Variants in ROBO1 observed in about 807,000 individuals in gnomAD.
The protein encoded by ROBO1 is roundabout homolog 1.
Under a neutral mutation model 195.9 loss-of-function variants are expected in ROBO1, and 149 were observed. That is an observed-to-expected ratio of 0.76 (90% CI 0.67 to 0.87). The LOEUF (loss-of-function observed/expected upper bound fraction) is 0.87. Among genes scored for constraint, ROBO1 ranks in the 40% least tolerant of loss-of-function variants. ROBO1 has a pLI of 0.00. For synonymous variants in ROBO1, 816 were observed against 733.2 expected (o/e 1.11, Z -1.82); for missense variants, 1,933 against 2,068.3 (o/e 0.93, Z 1.27).
intron 3 of ROBO1, among the ~76,000 whole-genome samples, chr3:79,010,022 G>A (rs191855837): frequency 1.2e-4 from 19 of 152,242 alleles, no homozygotes; most frequent in Non-Finnish European, 5.9e-5. Flanking sequence ...CTGTGTTGTA[G>A]AGTGTGTAAA....
At chr3:78,902,253 G>C (rs2037635322) in intron 4 of ROBO1, among the ~76,000 whole-genome samples, 1 of 152,200 alleles carries the variant, frequency 6.6e-6, no homozygotes, top group African/African-American at 2.4e-5. Context: ...GTAAAGCAGA[G>C]GTGTTTTTAG....
intron 2 of ROBO1, among the ~76,000 whole-genome samples, chr3:79,311,949 C>T (rs898495095): frequency 6.6e-6 from 1 of 152,194 alleles, no homozygotes; most frequent in East Asian, 1.9e-4. Flanking sequence ...GACCTTTTAC[C>T]TTCACTCCAG....
chr3:78,921,554 C>T (rs914522228), intron 4 of ROBO1, among the ~76,000 whole-genome samples: 4 of 152,126 alleles, frequency 2.6e-5, no homozygotes, highest in Non-Finnish European at 4.4e-5. Context: ...TGAAATAATA[C>T]GATTTTGTTC....
At position 79,283,730 on chromosome 3, in the gene ROBO1, C is replaced by A. The variant is rs368223442; in HGVS notation, c.89-158191G>T. Among the ~76,000 whole-genome samples the A allele has an allele frequency of 9.1e-4, 137 of 149,836 alleles. 1 individual carries two copies. In the East Asian group the frequency reaches 0.014, roughly 15 times the overall value. ...TTTTTTTTTTTGAGACGGAGTCTCG[C>A]TCTGTCGCCCAGGCTGGAGTGCAGT... On this transcript the variant is annotated intron_variant, in intron 2 of 30. Coordinates refer to ENST00000464233, the MANE Select transcript of ROBO1 (RefSeq NM_002941.4).
At chr3:78,814,549 G>C (rs2084841701) in intron 4 of ROBO1, among the ~76,000 whole-genome samples, 2 of 151,754 alleles carry the variant, frequency 1.3e-5, no homozygotes, top group South Asian at 4.2e-4. Context: ...ACCTCATCTT[G>C]TGTTAAAAAA....
chr3:79,153,004 A>G (rs1376546678), intron 2 of ROBO1, among the ~76,000 whole-genome samples: 1 of 151,776 alleles, frequency 6.6e-6, no homozygotes, highest in Non-Finnish European at 1.5e-5. Flanking sequence ...AGGTCAAATG[A>G]TGTAGAACCT....
At chr3:78,655,104 T>C (rs1438960243) in intron 18 of ROBO1, among the ~76,000 whole-genome samples, 1 of 152,220 alleles carries the variant, frequency 6.6e-6, no homozygotes, top group Non-Finnish European at 1.5e-5. Context: ...TTTATTTCTA[T>C]ATATAATCAT....
At chr3:78,694,677 T>C (rs768137013) in intron 8 of ROBO1, among the ~76,000 whole-genome samples, 5 of 152,160 alleles carry the variant, frequency 3.3e-5, no homozygotes, top group African/African-American at 4.8e-5. Flanking sequence ...ACGGAATGGA[T>C]AGAACGTGGT....
At chr3:79,352,475 C>T (rs538856317) in intron 2 of ROBO1, among the ~76,000 whole-genome samples, 21 of 152,242 alleles carry the variant, frequency 1.4e-4, no homozygotes, top group African/African-American at 4.8e-4. Flanking sequence ...AACTAGACTA[C>T]GGACGTTAAT....
At chr3:78,732,247 T>C (rs1000867861) in intron 5 of ROBO1, among the ~76,000 whole-genome samples, 2 of 152,070 alleles carry the variant, frequency 1.3e-5, no homozygotes, top group African/African-American at 4.8e-5. Flanking sequence ...TTAAAACGTA[T>C]AGATCCCCAA....
intron 4 of ROBO1, among the ~76,000 whole-genome samples, chr3:78,763,167 T>G (rs1253356417): frequency 6.6e-6 from 1 of 152,142 alleles, no homozygotes; most frequent in Non-Finnish European, 1.5e-5. Context: ...AATTAAAATA[T>G]CCAGCATTTT....
chr3:78,729,973 T>C (rs1281638956), intron 5 of ROBO1, among the ~76,000 whole-genome samples: 3 of 152,198 alleles, frequency 2.0e-5, no homozygotes, highest in Non-Finnish European at 4.4e-5. Context: ...CAAAACCAGG[T>C]TTGCTTTTTA....
At chr3:78,929,409 T>C (rs965377007) in intron 4 of ROBO1, among the ~76,000 whole-genome samples, 7 of 152,288 alleles carry the variant, frequency 4.6e-5, no homozygotes, top group East Asian at 3.9e-4. Flanking sequence ...GTTTTGCATA[T>C]GTAAAGTGTC....
intron 4 of ROBO1, among the ~76,000 whole-genome samples, chr3:78,767,642 T>G (rs554764113): frequency 6.6e-6 from 1 of 152,300 alleles, no homozygotes; most frequent in African/African-American, 2.4e-5. Flanking sequence ...TTTTTCCTGA[T>G]TTAAGCTAGA....
chr3:79,237,289 C>G (rs1175765361), intron 2 of ROBO1, among the ~76,000 whole-genome samples: 1 of 151,950 alleles, frequency 6.6e-6, no homozygotes, highest in Non-Finnish European at 1.5e-5. Context: ...GAGACCATCC[C>G]TGCTAACACG....
intron 1 of ROBO1, among the ~76,000 whole-genome samples, chr3:79,611,360 CA>C (rs1473137015): frequency 6.6e-6 from 1 of 151,796 alleles, no homozygotes; most frequent in Non-Finnish European, 1.5e-5. Flanking sequence ...CCAGAAAATT[CA>C]AATTAAAATC....
At chr3:78,755,712 C>G (rs537771751) in intron 4 of ROBO1, among the ~76,000 whole-genome samples, 2 of 152,160 alleles carry the variant, frequency 1.3e-5, no homozygotes, top group South Asian at 4.2e-4. Context: ...ACTGATCATG[C>G]CATTTTCAAG....
chr3:79,100,222 TA>T, intron 3 of ROBO1, among the ~76,000 whole-genome samples: 1 of 151,816 alleles, frequency 6.6e-6, no homozygotes, highest in Non-Finnish European at 1.5e-5. Flanking sequence ...GGATATAAAT[TA>T]ATGTTTATGA....
At chr3:78,687,107 T>C (rs903320935) in intron 9 of ROBO1, among the ~76,000 whole-genome samples, 1 of 152,104 alleles carries the variant, frequency 6.6e-6, no homozygotes, top group Non-Finnish European at 1.5e-5. Context: ...TGAGTTGTGT[T>C]ATTGAATGAA....
Sources: gnomAD v4.1 joint callset for allele counts (sites outside exome capture counted in the v4.1 genomes callset) on GRCh38, gnomAD v4.1.1 for gene constraint, MANE v1.5 for transcripts, NCBI Gene and HGNC (gene_info 2026-07-23, HGNC 2026-07-21) for gene names.